Variants in GPR139 observed in about 807,000 individuals in gnomAD.
GPR139 encodes probable G protein-coupled receptor 139.
In GPR139, 12 loss-of-function variants were observed where a neutral mutation model predicts 25.8. The ratio of observed to expected loss-of-function variants is 0.47; its 90% confidence interval spans 0.30 to 0.75. GPR139 has a LOEUF of 0.75. Among genes scored for constraint, GPR139 ranks in the 30% least tolerant of loss-of-function variants. The probability of loss-of-function intolerance (pLI) is 0.07; values close to 1 mark genes in which losing one functional copy is unlikely to be tolerated. For missense variants in GPR139, 380 were observed against 450.2 expected, an observed-to-expected ratio of 0.84 and a Z score of 1.41; for synonymous variants, 184 against 179.9, an observed-to-expected ratio of 1.02 and a Z score of -0.18.
intron 1 of GPR139, among the ~76,000 whole-genome samples, chr16:20,040,526 T>C (rs531614109): frequency 7.2e-5 from 11 of 152,370 alleles, no homozygotes; most frequent in Non-Finnish European, 1.3e-4. Context: ...CACCTATTGC[T>C]GGACGTTACT....
At chr16:20,060,207 G>C (rs1224682979) in intron 1 of GPR139, among the ~76,000 whole-genome samples, 1 of 152,078 alleles carries the variant, frequency 6.6e-6, no homozygotes, top group African/African-American at 2.4e-5. Flanking sequence ...AGCGAGAACA[G>C]AACCATGGCC....
chr16:20,041,600 G>C (rs749903416), intron 1 of GPR139, among the ~76,000 whole-genome samples: 16 of 152,032 alleles, frequency 1.1e-4, no homozygotes, highest in Non-Finnish European at 2.2e-4. Context: ...AAGACTCAGT[G>C]GTCAGTCTTT....
chr16:20,038,179 C>T (rs1445579678), intron 1 of GPR139, among the ~76,000 whole-genome samples: 1 of 151,994 alleles, frequency 6.6e-6, no homozygotes, highest in Non-Finnish European at 1.5e-5. Flanking sequence ...CTTTTTCCCC[C>T]CCATCCATTA....
intron 1 of GPR139, among the ~76,000 whole-genome samples, chr16:20,041,238 GAGGAGAGGAGAGGGAAGGAGAAAAGA>G (rs2057333231): frequency 3.4e-3 from 21 of 6,148 alleles, no homozygotes; most frequent in Non-Finnish European, 6.3e-3. Flanking sequence ...GAGGAGAGGA[GAGGAGAGGAGAGGGAAGGAGAAAAGA>G]AAAGCATCTC....
chr16:20,032,530 A>T lies in GPR139; in HGVS notation c.267T>A (p.Asp89Glu), dbSNP rs376132502. Residue 89 changes from aspartate (D) to glutamate (E), a missense_variant, in exon 2 of 2, where the codon GAT (aspartate) becomes GAA (glutamate). Transcript: ENST00000570682. ...GAGGCATCTGCATGTTCAAGATGAA[A>T]TCTTCCAACAGGAAGTCCACAAACA... ...FIVFVDFLLEDFILNMQMPQV... is the reference protein window; with the variant it reads ...FIVFVDFLLEEFILNMQMPQV... 4.0e-5 allele frequency: 64 copies of T among 1,614,048 alleles called. No individual in the cohort carries two copies. Among genetic ancestry groups the T allele is most frequent in the Non-Finnish European group, 5.0e-5 (59 of 1,180,016 alleles).
chr16:20,033,545 T>C (rs867358399), intron 1 of GPR139, among the ~76,000 whole-genome samples: 1 of 152,210 alleles, frequency 6.6e-6, no homozygotes. Context: ...GACGGGACTA[T>C]ATAACCTCTT....
At chr16:20,068,669 A>G (rs754757313) in intron 1 of GPR139, among the ~76,000 whole-genome samples, 1 of 152,198 alleles carries the variant, frequency 6.6e-6, no homozygotes, top group African/African-American at 2.4e-5. Context: ...TGGTGAGAGC[A>G]GTCATCCTTG....
chr16:20,052,294 T>C (rs888237785), intron 1 of GPR139, among the ~76,000 whole-genome samples: 3 of 152,194 alleles, frequency 2.0e-5, no homozygotes, highest in Non-Finnish European at 4.4e-5. Flanking sequence ...CAAAACACAC[T>C]AACTTCCTTT....
chr16:20,051,062 C>CAAAAAAAAAAA (rs3041359), intron 1 of GPR139, among the ~76,000 whole-genome samples: 7 of 121,364 alleles, frequency 5.8e-5, no homozygotes, highest in African/African-American at 2.2e-4. Context: ...GACCCTGTTT[C>CAAAAAAAAAAA]AAAAAAAAAA....
At position 20,028,949 on chromosome 16, in the gene GPR139, G is replaced by T. The variant is rs117900097; in HGVS notation, c.*2786C>A. 0.041 allele frequency among the ~76,000 whole-genome samples: 6,212 copies of T among 152,066 alleles called. 185 individuals are homozygous for T. The highest frequency in any genetic ancestry group is 0.059 in the Non-Finnish European group (4,046 of 68,006). On this transcript the variant is annotated 3_prime_UTR_variant, in exon 2 of 2. Transcript: ENST00000570682. ...TGTCAAAACTGGCCTGAAAGAAAAG[G>T]CTTACAAGTTTTTAAAGTTTTAAAG...
At chr16:20,045,316 A>G (rs1267734792) in intron 1 of GPR139, among the ~76,000 whole-genome samples, 1 of 152,062 alleles carries the variant, frequency 6.6e-6, no homozygotes, top group African/African-American at 2.4e-5. Flanking sequence ...ACTGAATTTT[A>G]TCCTCATACG....
chr16:20,066,418 A>C (rs767599935), intron 1 of GPR139, among the ~76,000 whole-genome samples: 2 of 152,108 alleles, frequency 1.3e-5, no homozygotes, highest in Non-Finnish European at 2.9e-5. Flanking sequence ...ATCACAGGCA[A>C]CTCTTTTAGG....
intron 1 of GPR139, among the ~76,000 whole-genome samples, chr16:20,036,060 T>C (rs913549581): frequency 2.0e-5 from 3 of 152,178 alleles, no homozygotes; most frequent in Non-Finnish European, 4.4e-5. Flanking sequence ...AGAAACATCA[T>C]ATAAGTGGCT....
At position 20,029,761 on chromosome 16, in the gene GPR139, G is replaced by A. The variant is rs117545566; in HGVS notation, c.*1974C>T. On this transcript the variant is annotated 3_prime_UTR_variant, in exon 2 of 2. Coordinates refer to ENST00000570682, the MANE Select transcript of GPR139 (RefSeq NM_001002911.4). ...GAACTTCTTTGAGTGGAAGCATCTT[G>A]ATGCACCAGGGTGGTCCTAATGTTC... 5.3e-4 allele frequency among the ~76,000 whole-genome samples: 81 copies of A among 152,244 alleles called. No individual in the cohort carries two copies. The East Asian group carries it at 0.015, about 29-fold the overall frequency.
chr16:20,054,133 C>T (rs1001976326), intron 1 of GPR139, among the ~76,000 whole-genome samples: 1 of 152,116 alleles, frequency 6.6e-6, no homozygotes, highest in African/African-American at 2.4e-5. Flanking sequence ...AGGAACTTGA[C>T]AAATATTTGT....
chr16:20,031,850 T>G lies in GPR139; in HGVS notation c.947A>C (p.Asn316Thr). The change falls in exon 2 of 2, where the codon AAT becomes ACT. Residue 316 changes from asparagine to threonine, a missense_variant. Transcript: ENST00000570682. ...CQKQPVQFYT[N>T]HNFSITSSPW... ...GCTACTTGTTATGGAAAAGTTATGA[T>G]TGGTGTAGAACTGTACAGGTTGCTT... 6.2e-7 allele frequency: 1 copy of G among 1,614,222 alleles called. No individual in the cohort carries two copies. Among genetic ancestry groups the G allele is most frequent in the Non-Finnish European group, 8.5e-7 (1 of 1,180,030 alleles).
intron 1 of GPR139, among the ~76,000 whole-genome samples, chr16:20,036,984 CT>C (rs2057312149): frequency 6.6e-6 from 1 of 152,128 alleles, no homozygotes; most frequent in Admixed American, 6.6e-5. Context: ...GACAGGTTCC[CT>C]TTTGCCATGG....
At chr16:20,039,996 G>A (rs1327152372) in intron 1 of GPR139, among the ~76,000 whole-genome samples, 1 of 152,126 alleles carries the variant, frequency 6.6e-6, no homozygotes, top group African/African-American at 2.4e-5. Flanking sequence ...CATGCTCTTG[G>A]TATGCTCCTT....
At position 20,032,131 on chromosome 16, in the gene GPR139, G is replaced by A; in HGVS notation, c.666C>T (p.Ser222=). The change falls in exon 2 of 2, where the codon TCC becomes TCT. Residue 222 remains serine, a synonymous_variant. Transcript: ENST00000570682. ...ACAAGATGGCGGTGGTCTTCCCCGT[G>A]GAGTAGCCACGGAGACGAAAATTGC... is the stretch of plus-strand genomic sequence containing the variant. The part of the protein sequence containing the change: ...RKSNFRLRGY[S]TGKTTAILFT... The A allele has an allele frequency of 6.2e-7, 1 of 1,614,134 alleles. No individual in the cohort carries two copies. The highest frequency in any genetic ancestry group is 8.5e-7 in the Non-Finnish European group (1 of 1,180,018).
Sources: allele counts gnomAD v4.1 joint callset (sites outside exome capture counted in the v4.1 genomes callset), GRCh38; gene constraint gnomAD v4.1.1; transcripts MANE v1.5; gene names NCBI Gene and HGNC (gene_info 2026-07-23, HGNC 2026-07-21).